Variants in WDR44 observed in about 807,000 individuals in gnomAD.
The protein encoded by WDR44 is WD repeat domain 44.
In WDR44, 9 loss-of-function variants were observed where a neutral mutation model predicts 65.7. The observed-to-expected ratio is 0.14, with a 90% CI of 0.08 to 0.24. The LOEUF (loss-of-function observed/expected upper bound fraction) is 0.24, where lower values mean the gene tolerates loss of function less well. Among genes scored for constraint, WDR44 ranks in the 10% least tolerant of loss-of-function variants. The pLI is 1.00. For synonymous variants in WDR44, 220 were observed against 235.2 expected (o/e 0.94, Z 0.59); for missense variants, 425 against 670.9 (o/e 0.63, Z 4.05).
chrX:118,374,150 C>T lies in WDR44; in HGVS notation c.78-4269C>T, dbSNP rs763963358. Among the ~76,000 whole-genome samples, 22 of 108,376 alleles carry T rather than the reference C, an allele frequency of 2.0e-4. 1 individual carries two copies. Among genetic ancestry groups the T allele is most frequent in the African/African-American group, 7.1e-4 (21 of 29,703 alleles). 94.1% of individuals were successfully genotyped at this position (108,376 alleles called of 115,157 possible). ...TCCCCTCCCTGTGCCCATATGTTCTCATTGTTCAGCTCCCACTTATGAGTG... is the reference window on the plus strand; with the variant it reads ...TCCCCTCCCTGTGCCCATATGTTCTTATTGTTCAGCTCCCACTTATGAGTG... On this transcript the variant is annotated intron_variant, in intron 1 of 19. Coordinates refer to ENST00000254029, the MANE Select transcript of WDR44 (RefSeq NM_019045.5).
At chrX:118,436,147 C>G (rs1397172235) in intron 13 of WDR44, among the ~76,000 whole-genome samples, 1 of 112,318 alleles carries the variant, frequency 8.9e-6, no homozygotes. Context: ...CTTGAACATT[C>G]TGTGATCTAT....
intron 12 of WDR44, among the ~76,000 whole-genome samples, chrX:118,422,776 G>T (rs956188443): frequency 9.0e-6 from 1 of 111,652 alleles, no homozygotes; most frequent in African/African-American, 3.3e-5. Context: ...GGGAGTGAGA[G>T]AATTTTTGTG....
chrX:118,412,707 T>C (rs2057022190), intron 12 of WDR44, among the ~76,000 whole-genome samples: 1 of 111,448 alleles, frequency 9.0e-6, no homozygotes, highest in African/African-American at 3.3e-5. Flanking sequence ...CATAGAAATA[T>C]TTTTTATATT....
At chrX:118,413,680 C>T (rs1280437056) in intron 12 of WDR44, among the ~76,000 whole-genome samples, 2 of 111,874 alleles carry the variant, frequency 1.8e-5, no homozygotes, top group African/African-American at 3.3e-5. Flanking sequence ...TGCAAAAGCT[C>T]GTTAGTGTAA....
intron 14 of WDR44, 149 bp from the exon 15 acceptor site, chrX:118,441,219 A>T: frequency 2.1e-6 from 1 of 474,526 alleles, no homozygotes; most frequent in Non-Finnish European, 3.4e-6. Context: ...GGCCTCCCCC[A>T]AAGTGCTAGG....
At chrX:118,346,756 A>G (rs2056354827) in intron 1 of WDR44, among the ~76,000 whole-genome samples, 176 bp downstream of exon 1, 1 of 110,571 alleles carries the variant, frequency 9.0e-6, no homozygotes, top group Non-Finnish European at 1.9e-5. Context: ...TGACTCGGAG[A>G]AGGGGGAGTC....
At chrX:118,380,376 A>G (rs1346899259) in intron 2 of WDR44, among the ~76,000 whole-genome samples, 2 of 111,612 alleles carry the variant, frequency 1.8e-5, no homozygotes, top group Non-Finnish European at 3.8e-5. Flanking sequence ...CTACCCCTTT[A>G]TAATCACACC....
At chrX:118,360,852 A>G (rs2056505290) in intron 1 of WDR44, among the ~76,000 whole-genome samples, 1 of 111,994 alleles carries the variant, frequency 8.9e-6, no homozygotes, top group African/African-American at 3.2e-5. Context: ...ACTTTCATGT[A>G]AGAAAAATGT....
At chrX:118,385,657 T>TAA (rs370670319) in intron 2 of WDR44, among the ~76,000 whole-genome samples, 31 of 103,101 alleles carry the variant, frequency 3.0e-4, no homozygotes, top group African/African-American at 1.0e-3. Context: ...AACTTAAAGT[T>TAA]AAAAAAAAAA....
At chrX:118,396,074 A>C (rs2056863338) in intron 6 of WDR44, among the ~76,000 whole-genome samples, 1 of 111,588 alleles carries the variant, frequency 9.0e-6, no homozygotes, top group African/African-American at 3.3e-5. Context: ...TATTATGAAT[A>C]TATGTTATAC....
chrX:118,421,143 T>A (rs2057101963), intron 12 of WDR44, among the ~76,000 whole-genome samples: 1 of 111,956 alleles, frequency 8.9e-6, no homozygotes, highest in Non-Finnish European at 1.9e-5. Flanking sequence ...GCAGAGATAA[T>A]TTTAACTGCT....
At chrX:118,443,443 A>G (rs2057318823) in intron 17 of WDR44, 117 bp from the exon 18 acceptor site, 3 of 894,359 alleles carry the variant, frequency 3.4e-6, no homozygotes, top group Non-Finnish European at 3.1e-6. Flanking sequence ...TACATATTCA[A>G]CAAGACCCTT....
chrX:118,374,052 T>G (rs916420060), intron 1 of WDR44, among the ~76,000 whole-genome samples: 2 of 110,616 alleles, frequency 1.8e-5, no homozygotes, highest in Admixed American at 9.7e-5. Flanking sequence ...ATCCGTCATC[T>G]ACATTAGGTA....
chrX:118,434,319 T>C (rs1222478564), intron 13 of WDR44, among the ~76,000 whole-genome samples: 2 of 111,176 alleles, frequency 1.8e-5, no homozygotes, highest in Non-Finnish European at 3.8e-5. Flanking sequence ...GATACAAATA[T>C]AGAATACCAG....
At chrX:118,443,112 G>A (rs988751920) in intron 17 of WDR44, among the ~76,000 whole-genome samples, 1 of 111,624 alleles carries the variant, frequency 9.0e-6, no homozygotes, top group Non-Finnish European at 1.9e-5. Flanking sequence ...ACAGGGTCTT[G>A]TATTCAAAAC....
chrX:118,394,097 G>A lies in WDR44; in HGVS notation c.869G>A (p.Ser290Asn). The A allele has an allele frequency of 4.1e-6, 5 of 1,211,320 alleles. No individual in the cohort carries two copies. In the African/African-American group the frequency reaches 5.2e-5, roughly 13 times the overall value. ...ACGTCTGATTCTCTCCTAACCGCAA[G>A]CATGGCTTCAGAAAGTACGGTTAAG... Reference protein sequence around the residue: ...NITSDSLLTASMASESTVKDS... With the variant: ...NITSDSLLTANMASESTVKDS... The change falls in exon 5 of 20, where the codon AGC becomes AAC. Residue 290 changes from serine (S) to asparagine (N), a missense_variant. Ser to Asn is a conservative substitution (Grantham distance 46, BLOSUM62 1). Transcript: ENST00000254029.
At chrX:118,375,527 A>G (rs1310515559) in intron 1 of WDR44, among the ~76,000 whole-genome samples, 1 of 109,976 alleles carries the variant, frequency 9.1e-6, no homozygotes, top group Non-Finnish European at 1.9e-5. Context: ...AAAAAAAAAA[A>G]AAAAACAAAC....
Position 118,397,047 on chromosome X carries a change from A to G in WDR44, c.1131A>G (p.Leu377=). The stretch of plus-strand genomic sequence containing the variant: ...CTTTGAGTCTTGCAGAAGAGAAACT[A>G]CCAACAGGCATTAATCCTCTCACTC... ...EIPLSLAEEK[L]PTGINPLTLH... The change falls in exon 7 of 20, where the codon CTA becomes CTG. Residue 377 remains leucine (L), a synonymous_variant. Transcript: ENST00000254029. The G allele has an allele frequency of 1.7e-6, 2 of 1,201,274 alleles. No individual in the cohort carries two copies. The highest frequency in any genetic ancestry group is 2.2e-6 in the Non-Finnish European group (2 of 890,629).
rs190472306 is a variant in WDR44, at chrX:118,359,986, G to A, written c.77+13406G>A. On this transcript the variant is annotated intron_variant, in intron 1 of 19. Coordinates refer to ENST00000254029, the MANE Select transcript of WDR44 (RefSeq NM_019045.5). ...TACCTGAGATTTTGGGATGTACTAG[G>A]AAAATCAGACTAATTTATGATTGCC... 3.3e-4 allele frequency among the ~76,000 whole-genome samples: 37 copies of A among 112,051 alleles called. 1 individual carries two copies. The East Asian group carries it at 0.01, about 31-fold the overall frequency.
Sources: allele counts gnomAD v4.1 joint callset (sites outside exome capture counted in the v4.1 genomes callset), GRCh38; gene constraint gnomAD v4.1.1; transcripts MANE v1.5; gene names NCBI Gene and HGNC (gene_info 2026-07-23, HGNC 2026-07-21).